TIE1: variants seen among roughly 807,000 people sequenced by gnomAD.
TIE1 encodes the protein tyrosine-protein kinase receptor Tie-1.
TIE1 carries 89 observed loss-of-function variants against 130.5 expected under a neutral mutation model. The ratio of observed to expected loss-of-function variants is 0.68; its 90% CI spans 0.57 to 0.81. TIE1 has a LOEUF of 0.81. Ranked by LOEUF, TIE1 falls within the 40% of genes least tolerant of loss-of-function variation. The pLI is 0.00. For missense variants in TIE1, 1,392 were observed against 1,559.8 expected (o/e 0.89, Z 1.81); for synonymous variants, 568 against 629.4 (o/e 0.90, Z 1.46).
chr1:43,313,196 A>T lies in TIE1; in HGVS notation c.1989A>T (p.Thr663=), dbSNP rs763393265. The change falls in exon 13 of 23, where the codon ACA becomes ACT. Residue 663 remains threonine (T), a synonymous_variant. Coordinates refer to ENST00000372476, the MANE Select transcript of TIE1 (RefSeq NM_005424.5). This position sits in a 1 kb window ranked among gnomAD's most constrained non-coding sequence, Gnocchi z 6.2. ...TCTCAGACTCCGAGATCCAGCTGACATGGAAGCACCCGGAGGCTCTGCCTG... is the reference window on the plus strand; with the variant it reads ...TCTCAGACTCCGAGATCCAGCTGACTTGGAAGCACCCGGAGGCTCTGCCTG... ...QALSDSEIQL[T]WKHPEALPGP... is the part of the protein sequence containing the mutation. 8 of 1,613,630 alleles carry T rather than the reference A, an allele frequency of 5.0e-6. No homozygotes were observed. Among genetic ancestry groups the T allele is most frequent in the Non-Finnish European group, 6.8e-6 (8 of 1,179,856 alleles).
rs781170758 is a variant in TIE1, at chr1:43,312,570, G to T, written c.1896G>T (p.Ser632=). ...ACTGCACCCTCCTGGGCCCGGCCTC[G>T]CCCCCTGCACACGTGCTTCTGCCCC... ...LYHCTLLGPA[S]PPAHVLLPPS... Residue 632 remains serine, a synonymous_variant, in exon 12 of 23, where the codon TCG becomes TCT. Coordinates refer to ENST00000372476, the MANE Select transcript of TIE1 (RefSeq NM_005424.5). This position sits in a 1 kb window ranked among gnomAD's most constrained non-coding sequence, Gnocchi z 5.6. 5.0e-6 allele frequency: 8 copies of T among 1,610,862 alleles called. No homozygotes were observed. The highest frequency in any genetic ancestry group is 1.7e-5 in the Admixed American group (1 of 59,834).
Position 43,313,256 on chromosome 1 carries a change from G to C in TIE1, c.2049G>C (p.Val683=). 1 of 1,614,062 alleles carries C rather than the reference G, an allele frequency of 6.2e-7. No individual in the cohort carries two copies. Among genetic ancestry groups the C allele is most frequent in the Non-Finnish European group, 8.5e-7 (1 of 1,179,942 alleles). Residue 683 remains valine (V), a synonymous_variant, in exon 13 of 23, where the codon GTG becomes GTC. Transcript: ENST00000372476. The surrounding 1 kb of genome is among the most constrained non-coding windows in gnomAD (Gnocchi z 6.2). ...CCAAGTACGTTGTGGAGGTGCAGGT[G>C]GCTGGGGGTGCAGGAGACCCACTGT... The part of the protein sequence containing the change: ...PISKYVVEVQ[V]AGGAGDPLWI...
At position 43,305,046 on chromosome 1, in the gene TIE1, C is replaced by G; in HGVS notation, c.254C>G (p.Ser85Trp). The change falls in exon 2 of 23, where the codon TCG (serine) becomes TGG (tryptophan). Residue 85 changes from serine (S) to tryptophan (W), a missense_variant. This residue lies in a region of TIE1 where 415 missense variants were observed against 424.8 expected (regional missense o/e 0.98). Coordinates refer to ENST00000372476, the MANE Select transcript of TIE1 (RefSeq NM_005424.5). ...GPPLRLARNGSHQVTLRGFSK... is the reference protein window; with the variant it reads ...GPPLRLARNGWHQVTLRGFSK... ...CCCCTGCGCCTGGCGCGCAACGGTT[C>G]GCACCAGGTCACGCTTCGCGGCTTC... 2 of 1,601,608 alleles carry G rather than the reference C, an allele frequency of 1.2e-6. No individual in the cohort carries two copies. Among genetic ancestry groups the G allele is most frequent in the Non-Finnish European group, 1.7e-6 (2 of 1,172,698 alleles).
Position 43,307,184 on chromosome 1 carries a change from G to T in TIE1, c.683G>T (p.Cys228Phe), listed in dbSNP as rs1342053491. 3 of 1,614,152 alleles carry T rather than the reference G, an allele frequency of 1.9e-6. No individual in the cohort carries two copies. Among genetic ancestry groups the T allele is most frequent in the Non-Finnish European group, 2.5e-6 (3 of 1,180,004 alleles). The part of the protein sequence containing the change: ...GRWGPGCTKE[C>F]PGCLHGGVCH... ...TGGGGGCCAGGCTGTACCAAGGAGT[G>T]CCCAGGTTGCCTACATGGAGGTGTC... The change falls in exon 5 of 23, where the codon TGC becomes TTC. Residue 228 changes from cysteine to phenylalanine, a missense_variant. Transcript: ENST00000372476. The surrounding 1 kb of genome is among the most constrained non-coding windows in gnomAD (Gnocchi z 5.4).
rs1322376798 is a variant in TIE1, at chr1:43,305,292, T to C, written c.433T>C (p.Ser145Pro). The C allele has an allele frequency of 1.2e-6, 2 of 1,604,948 alleles. No individual in the cohort carries two copies. The highest frequency in any genetic ancestry group is 1.7e-5 in the Admixed American group (1 of 59,640). The stretch of plus-strand genomic sequence containing the variant: ...GAACAAAGGTGACACCGCTGTACTT[T>C]CTGCACGTGTGCACAAGGAGAAGCA... ...TVNKGDTAVL[S>P]ARVHKEKQTD... The change falls in exon 3 of 23, where the codon TCT becomes CCT. Residue 145 changes from serine (S) to proline (P), a missense_variant. Physicochemically the swap from Ser to Pro is moderately conservative, Grantham distance 74. Around this residue, in one of 6 missense-constraint regions of TIE1, gnomAD observed 415 missense variants for 424.8 expected, o/e 0.98. Transcript: ENST00000372476.
intron 1 of TIE1, 73 bp from the exon 2 acceptor site, chr1:43,304,778 G>A: frequency 7.4e-7 from 1 of 1,359,944 alleles, no homozygotes; most frequent in Non-Finnish European, 9.4e-7. Context: ...AAGACCAGAG[G>A]GCTGGGGCTG....
At chr1:43,305,586 C>T (rs1264454385) in intron 3 of TIE1, among the ~76,000 whole-genome samples, 8 of 152,220 alleles carry the variant, frequency 5.3e-5, no homozygotes, top group Non-Finnish European at 1.2e-4. Flanking sequence ...TCCCTCTTAG[C>T]CCCAAATGAG....
Position 43,311,978 on chromosome 1 carries a change from T to A in TIE1, c.1493-16T>A. ...GGTGGGGGCTGAATAATGTGTGCTT[T>A]ACACCCCACGCCCAGTGGACCCCAG... is the stretch of plus-strand genomic sequence containing the variant. On this transcript the variant is annotated splice_polypyrimidine_tract_variant and intron_variant, in intron 10 of 22. Transcript: ENST00000372476. The A allele has an allele frequency of 6.4e-7, 1 of 1,573,380 alleles. No individual in the cohort carries two copies. The highest frequency in any genetic ancestry group is 8.6e-7 in the Non-Finnish European group (1 of 1,156,354).
Position 43,311,998 on chromosome 1 carries a change from C to T in TIE1, c.1497C>T (p.Asp499=). 1 of 1,587,412 alleles carries T rather than the reference C, an allele frequency of 6.3e-7. No homozygotes were observed. Among genetic ancestry groups the T allele is most frequent in the Non-Finnish European group, 8.6e-7 (1 of 1,163,960 alleles). ...STMDWSTIVV[D]PSENVTLMNL... is the part of the protein sequence containing the mutation. Reference sequence around the variant, plus strand: ...TGCTTTACACCCCACGCCCAGTGGACCCCAGTGAGAACGTGACGTTAATGA... The same window carrying T: ...TGCTTTACACCCCACGCCCAGTGGATCCCAGTGAGAACGTGACGTTAATGA... The change falls in exon 11 of 23, where the codon GAC becomes GAT. Residue 499 remains aspartate (D), a synonymous_variant. Coordinates refer to ENST00000372476, the MANE Select transcript of TIE1 (RefSeq NM_005424.5).
Position 43,311,821 on chromosome 1 carries a change from C to T in TIE1, c.1484C>T (p.Thr495Ile). The T allele has an allele frequency of 6.2e-7, 1 of 1,613,028 alleles. No individual in the cohort carries two copies. Among genetic ancestry groups the T allele is most frequent in the East Asian group, 2.2e-5 (1 of 44,856 alleles). ...CAGGACAGTACCATGGACTGGTCGA[C>T]CATTGTGGGTGAGTAGGGAGAGAGC... ...RPQDSTMDWS[T>I]IVVDPSENVT... The change falls in exon 10 of 23, where the codon ACC becomes ATC. Residue 495 changes from threonine to isoleucine, a missense_variant. This residue lies in a region of TIE1 where 551 missense variants were observed against 565.5 expected (regional missense o/e 0.97). Transcript: ENST00000372476.
intron 22 of TIE1, 83 bp downstream of exon 22, chr1:43,321,798 C>A: frequency 7.6e-7 from 1 of 1,320,036 alleles, no homozygotes; most frequent in Non-Finnish European, 1.1e-6. Flanking sequence ...GACCCCTGTC[C>A]CAACCACACT....
chr1:43,322,667 C>A lies in TIE1; in HGVS notation c.3362C>A (p.Ser1121Ter). The A allele has an allele frequency of 6.2e-7, 1 of 1,614,112 alleles. No individual in the cohort carries two copies. Among genetic ancestry groups the A allele is most frequent in the Non-Finnish European group, 8.5e-7 (1 of 1,180,022 alleles). ...LEARKAYVNM[S>*]LFENFTYAGI... The stretch of plus-strand genomic sequence containing the variant: ...TGCCCCCAGGCCTATGTGAACATGT[C>A]GCTGTTTGAGAACTTCACTTACGCG... The change falls in exon 23 of 23, where the codon TCG (serine) becomes TAG (stop). Residue 1121 changes from serine to a stop codon, truncating the protein, a stop_gained. Coordinates refer to ENST00000372476, the MANE Select transcript of TIE1 (RefSeq NM_005424.5). LOFTEE classifies it high-confidence loss of function. This position sits in a 1 kb window ranked among gnomAD's most constrained non-coding sequence, Gnocchi z 4.0.
Position 43,313,449 on chromosome 1 carries a change from C to A in TIE1, c.2218+24C>A, listed in dbSNP as rs755889637. ...CGGTGAGAGGGCAGGGCCCACAGGA[C>A]CCCCCGGGCTCTGAGCGGGGAGAGC... On this transcript the variant is annotated intron_variant, in intron 13 of 22. Coordinates refer to ENST00000372476, the MANE Select transcript of TIE1 (RefSeq NM_005424.5). This position sits in a 1 kb window ranked among gnomAD's most constrained non-coding sequence, Gnocchi z 6.2. 3.7e-6 allele frequency: 6 copies of A among 1,611,238 alleles called. No individual in the cohort carries two copies. The highest frequency in any genetic ancestry group is 1.7e-5 in the Admixed American group (1 of 59,916).
chr1:43,319,399 A>C lies in TIE1; in HGVS notation c.3036+51A>C. Reference sequence around the variant, plus strand: ...TAGGGCTTGTGCCTGGCCCTGCCCCACAGGAGCCTCAAACAGGCCCTTCCT... The same window carrying C: ...TAGGGCTTGTGCCTGGCCCTGCCCCCCAGGAGCCTCAAACAGGCCCTTCCT... On this transcript the variant is annotated intron_variant, in intron 18 of 22. Coordinates refer to ENST00000372476, the MANE Select transcript of TIE1 (RefSeq NM_005424.5). This position sits in a 1 kb window ranked among gnomAD's most constrained non-coding sequence, Gnocchi z 4.7. 1 of 1,612,190 alleles carries C rather than the reference A, an allele frequency of 6.2e-7. No homozygotes were observed. Among genetic ancestry groups the C allele is most frequent in the South Asian group, 1.1e-5 (1 of 90,998 alleles).
rs1374981301 is a variant in TIE1 at position 43,307,431 on chromosome 1, G to C, written c.773-1G>C. ...ATACACCCCACACACTCTCTTTCTA[G>C]CCTGCAGAGAGGGCCGTTTTGGGCA... On this transcript the variant is annotated splice_acceptor_variant, in intron 5 of 22. Coordinates refer to ENST00000372476, the MANE Select transcript of TIE1 (RefSeq NM_005424.5). LOFTEE classifies it high-confidence loss of function. This position sits in a 1 kb window ranked among gnomAD's most constrained non-coding sequence, Gnocchi z 5.4. 2 of 1,614,118 alleles carry C rather than the reference G, an allele frequency of 1.2e-6. No homozygotes were observed. The highest frequency in any genetic ancestry group is 1.7e-6 in the Non-Finnish European group (2 of 1,180,006).
chr1:43,318,156 G>A lies in TIE1; in HGVS notation c.2922+84G>A. The A allele has an allele frequency of 6.8e-7, 1 of 1,461,478 alleles. No individual in the cohort carries two copies. The highest frequency in any genetic ancestry group is 9.1e-7 in the Non-Finnish European group (1 of 1,097,864). 90.5% of individuals were successfully genotyped at this position (1,461,478 alleles called of 1,614,324 possible). On this transcript the variant is annotated intron_variant, in intron 17 of 22. Coordinates refer to ENST00000372476, the MANE Select transcript of TIE1 (RefSeq NM_005424.5). This position sits in a 1 kb window ranked among gnomAD's most constrained non-coding sequence, Gnocchi z 4.4. ...TGGAAGAAGTCAGCCGGCCCTGATT[G>A]TATCTGGGGATTGAGGTTCCTGGCC...
At position 43,301,130 on chromosome 1, in the gene TIE1, G is replaced by A. The variant is rs1482119035; in HGVS notation, c.58+1G>A. ...ATCCTCTTCTTGGCTTCTCATGTGGGTAAGTCTCCCCTGAGTCCCTCACCC... is the reference window on the plus strand; with the variant it reads ...ATCCTCTTCTTGGCTTCTCATGTGGATAAGTCTCCCCTGAGTCCCTCACCC... On this transcript the variant is annotated splice_donor_variant, in intron 1 of 22. Coordinates refer to ENST00000372476, the MANE Select transcript of TIE1 (RefSeq NM_005424.5). LOFTEE classifies it high-confidence loss of function. The A allele has an allele frequency of 3.1e-6, 5 of 1,613,088 alleles. No individual in the cohort carries two copies. In the African/African-American group the frequency reaches 6.7e-5, roughly 22 times the overall value.
Position 43,319,004 on chromosome 1 carries a change from T to G in TIE1, c.2923-231T>G, listed in dbSNP as rs1033534491. On this transcript the variant is annotated intron_variant, in intron 17 of 22. Transcript: ENST00000372476. The surrounding 1 kb of genome is among the most constrained non-coding windows in gnomAD (Gnocchi z 4.7). ...AGAAGGTGCAGTATGGCCACCACTG[T>G]CTCAGGAAAAGGGATCCAGCCTGAA... 3.3e-5 allele frequency among the ~76,000 whole-genome samples: 5 copies of G among 151,878 alleles called. No individual in the cohort carries two copies. The highest frequency in any genetic ancestry group is 5.9e-5 in the Non-Finnish European group (4 of 67,946).
In TIE1 at chr1:43,318,083, G is replaced by T. The variant is rs1032229244; in HGVS notation, c.2922+11G>T. On this transcript the variant is annotated intron_variant, in intron 17 of 22. Coordinates refer to ENST00000372476, the MANE Select transcript of TIE1 (RefSeq NM_005424.5). This position sits in a 1 kb window ranked among gnomAD's most constrained non-coding sequence, Gnocchi z 4.4. ...CTGAGTGAGAAGCAGGTGTGTGTGA[G>T]TGGGGGCGGGTGGAGGCCAGAGGGG... The T allele has an allele frequency of 6.6e-7, 1 of 1,525,444 alleles. No homozygotes were observed. 94.5% of individuals were successfully genotyped at this position (1,525,444 alleles called of 1,614,324 possible). A position where few individuals can be genotyped will look rare whatever the true frequency, so the allele number is the denominator to read the frequency against.
Sources: allele counts gnomAD v4.1 joint callset (sites outside exome capture counted in the v4.1 genomes callset), GRCh38; gene constraint gnomAD v4.1.1; regional missense constraint gnomAD v4.1.1; non-coding constraint Gnocchi (gnomAD v3.1); transcripts MANE v1.5; gene names NCBI Gene and HGNC (gene_info 2026-07-23, HGNC 2026-07-21).